The following METTL25 variants were observed in gnomAD, a reference collection of about 807,000 sequenced individuals.
METTL25 encodes probable methyltransferase-like protein 25.
In METTL25, 64 loss-of-function variants were observed where a neutral mutation model predicts 71.6. That is an observed-to-expected ratio of 0.89 (90% CI 0.73 to 1.10). The LOEUF is 1.10. Among genes scored for constraint, METTL25 ranks in the 50% least tolerant of loss-of-function variants. The pLI, the probability that METTL25 is intolerant of heterozygous loss-of-function variation, is 0.00. For missense variants in METTL25, 807 were observed against 707.0 expected (o/e 1.14, Z -1.60); for synonymous variants, 287 against 250.3 (o/e 1.15, Z -1.38).
intron 11 of METTL25, among the ~76,000 whole-genome samples, 165 bp from the exon 12 acceptor site, chr12:82,478,764 TTTG>T: frequency 6.6e-6 from 1 of 152,090 alleles, no homozygotes; most frequent in Non-Finnish European, 1.5e-5. Context: ...CATAAACTTT[TTTG>T]AAGGTGTAAT....
At chr12:82,364,754 G>T (rs1464556048) in intron 1 of METTL25, among the ~76,000 whole-genome samples, 2 of 152,206 alleles carry the variant, frequency 1.3e-5, no homozygotes, top group Non-Finnish European at 2.9e-5. Flanking sequence ...ATGATTGGTA[G>T]TGATGGTATA....
rs1464629330 is a variant in METTL25, at chr12:82,439,336, T to C, written c.1478+545T>C. ...ACAGAAAAGCAAGGGGTAGGATAAT[T>C]TTTTTCATAATATTGGTTCAACAAC... is the stretch of plus-strand genomic sequence containing the variant. On this transcript the variant is annotated intron_variant, in intron 8 of 11. Transcript: ENST00000248306. Among the ~76,000 whole-genome samples the C allele has an allele frequency of 2.6e-5, 4 of 151,834 alleles. 1 individual carries two copies. The highest frequency in any genetic ancestry group is 2.1e-4 in the South Asian group (1 of 4,816).
chr12:82,405,033 T>C (rs7297164), intron 5 of METTL25, among the ~76,000 whole-genome samples: 140,611 of 152,130 alleles, frequency 0.92, 65,301 homozygotes, highest in East Asian at 1. Flanking sequence ...TCTTTCACTT[T>C]ATCATCATTG....
Position 82,456,766 on chromosome 12 carries a change from T to A in METTL25, c.1518T>A (p.Ser506=), listed in dbSNP as rs1346967278. The A allele has an allele frequency of 5.6e-6, 9 of 1,604,546 alleles. No homozygotes were observed. The highest frequency in any genetic ancestry group is 7.7e-6 in the Non-Finnish European group (9 of 1,174,964). The change falls in exon 9 of 12, where the codon TCT becomes TCA. Residue 506 remains serine, a synonymous_variant. Coordinates refer to ENST00000248306, the MANE Select transcript of METTL25 (RefSeq NM_032230.3). ...HVGKIYSKCS[S]FLDYVRRSLK... is the part of the protein sequence containing the mutation. ...GTAAAATTTATTCCAAATGTTCTTC[T>A]TTTCTGGATTATGTCAGACGGTCTC...
chr12:82,394,820 T>C (rs1012253287), intron 3 of METTL25, among the ~76,000 whole-genome samples: 4 of 151,940 alleles, frequency 2.6e-5, no homozygotes, highest in Non-Finnish European at 4.4e-5. Context: ...AAGACCTCAT[T>C]GTAACGATAA....
chr12:82,372,221 G>A (rs1394706736), intron 1 of METTL25, among the ~76,000 whole-genome samples: 2 of 152,136 alleles, frequency 1.3e-5, no homozygotes, highest in Admixed American at 6.5e-5. Flanking sequence ...GCCTTGATCT[G>A]CTTTAAATCA....
chr12:82,456,314 A>G (rs1891483006), intron 8 of METTL25, among the ~76,000 whole-genome samples: 1 of 151,928 alleles, frequency 6.6e-6, no homozygotes, highest in African/African-American at 2.4e-5. Context: ...AATGGCTGGA[A>G]TTGAAGAAGT....
At chr12:82,443,471 A>C (rs1000819527) in intron 8 of METTL25, among the ~76,000 whole-genome samples, 1 of 151,360 alleles carries the variant, frequency 6.6e-6, no homozygotes, top group African/African-American at 2.4e-5. Flanking sequence ...CCAAAAAAAA[A>C]AAAAAAAAGA....
chr12:82,409,326 T>G (rs1385691604), intron 5 of METTL25, among the ~76,000 whole-genome samples: 1 of 152,010 alleles, frequency 6.6e-6, no homozygotes, highest in Non-Finnish European at 1.5e-5. Context: ...CTTTATAGAG[T>G]GTCTGTTTGG....
intron 9 of METTL25, among the ~76,000 whole-genome samples, chr12:82,472,494 A>C (rs565446721): frequency 1.6e-3 from 242 of 152,180 alleles, no homozygotes; most frequent in Admixed American, 3.9e-3. Context: ...GCTACTTGGG[A>C]GGCTGAGGCA....
chr12:82,368,203 T>C (rs1002515479), intron 1 of METTL25, among the ~76,000 whole-genome samples: 1 of 152,100 alleles, frequency 6.6e-6, no homozygotes, highest in African/African-American at 2.4e-5. Flanking sequence ...GGCTCAATTT[T>C]CTCATCCAAG....
At chr12:82,418,345 G>A (rs1019541523) in intron 5 of METTL25, among the ~76,000 whole-genome samples, 1 of 152,092 alleles carries the variant, frequency 6.6e-6, no homozygotes, top group Non-Finnish European at 1.5e-5. Flanking sequence ...ACAGAGAAAT[G>A]TAAAGGCACA....
At chr12:82,464,785 C>A (rs1440235872) in intron 9 of METTL25, among the ~76,000 whole-genome samples, 1 of 151,654 alleles carries the variant, frequency 6.6e-6, no homozygotes, top group Non-Finnish European at 1.5e-5. Flanking sequence ...ACTTCAGTTT[C>A]TTCAGTGTTT....
intron 3 of METTL25, among the ~76,000 whole-genome samples, chr12:82,392,035 GA>G (rs1254148173): frequency 6.7e-6 from 1 of 149,954 alleles, no homozygotes; most frequent in Non-Finnish European, 1.5e-5. Flanking sequence ...GTCTTCATGT[GA>G]AAAATGTCTA....
intron 7 of METTL25, chr12:82,438,438 C>CT: frequency 4.1e-6 from 1 of 244,350 alleles, no homozygotes; most frequent in Non-Finnish European, 7.8e-6. Context: ...GGTAAGGACT[C>CT]TATTTGGGCA....
chr12:82,412,736 A>G (rs1224289458), intron 5 of METTL25, among the ~76,000 whole-genome samples: 3 of 152,114 alleles, frequency 2.0e-5, no homozygotes, highest in Non-Finnish European at 4.4e-5. Flanking sequence ...GTTTCTTTTG[A>G]CAAGTATAAA....
rs940293373 is a variant in METTL25, at chr12:82,384,482, C to G, written c.260-2321C>G. The stretch of plus-strand genomic sequence containing the variant: ...AGTTACAGGCTGGATAACTTGAAAA[C>G]AAATAAAGTACAGCAGCTATATTTC... On this transcript the variant is annotated intron_variant, in intron 1 of 11. Transcript: ENST00000248306. Among the ~76,000 whole-genome samples, 10 of 136,302 alleles carry G rather than the reference C, an allele frequency of 7.3e-5. No homozygotes were observed. In the South Asian group the frequency reaches 9.5e-4, roughly 13 times the overall value. The allele number at this position is 136,302 out of a possible 152,430, so 89.4% of individuals were successfully genotyped here. A position where few individuals can be genotyped will look rare whatever the true frequency, so the allele number is the denominator to read the frequency against.
chr12:82,363,188 T>A (rs947288060), intron 1 of METTL25, among the ~76,000 whole-genome samples: 1 of 152,162 alleles, frequency 6.6e-6, no homozygotes, highest in African/African-American at 2.4e-5. Flanking sequence ...TAACTCCACA[T>A]GCCTGGGAGA....
intron 7 of METTL25, among the ~76,000 whole-genome samples, chr12:82,436,205 C>T (rs1328317523): frequency 6.6e-6 from 1 of 151,362 alleles, no homozygotes; most frequent in Non-Finnish European, 1.5e-5. Flanking sequence ...TGATATAGAG[C>T]AAAAGTTTAA....
Sources: allele counts gnomAD v4.1 joint callset (sites outside exome capture counted in the v4.1 genomes callset), GRCh38; gene constraint gnomAD v4.1.1; transcripts MANE v1.5; gene names NCBI Gene and HGNC (gene_info 2026-07-23, HGNC 2026-07-21).